FAM168A: variants seen among roughly 807,000 people sequenced by gnomAD.
FAM168A encodes family with sequence similarity 168 member A, also known as protein FAM168A.
A neutral mutation model predicts 28.5 loss-of-function variants in FAM168A; 3 were observed. The ratio of observed to expected loss-of-function variants is 0.11; its 90% confidence interval spans 0.05 to 0.27. FAM168A has a LOEUF of 0.27. Ranked by LOEUF, FAM168A falls within the 10% of genes least tolerant of loss-of-function variation. The pLI is 1.00. For synonymous variants in FAM168A, 122 were observed against 124.2 expected, an observed-to-expected ratio of 0.98 and a Z score of 0.12; for missense variants, 222 against 311.5, an observed-to-expected ratio of 0.71 and a Z score of 2.16.
chr11:73,531,531 A>G (rs1943512704), intron 1 of FAM168A, among the ~76,000 whole-genome samples: 1 of 152,188 alleles, frequency 6.6e-6, no homozygotes. Flanking sequence ...TTCAGAGAGC[A>G]CTTGCACATG....
intron 1 of FAM168A, among the ~76,000 whole-genome samples, chr11:73,578,020 T>C (rs947042918): frequency 1.3e-5 from 2 of 152,194 alleles, no homozygotes; most frequent in African/African-American, 4.8e-5. Flanking sequence ...AACTCCTAAA[T>C]GTACTCTAGA....
intron 1 of FAM168A, among the ~76,000 whole-genome samples, chr11:73,523,688 A>C (rs1404681443): frequency 6.6e-6 from 1 of 152,002 alleles, no homozygotes; most frequent in Non-Finnish European, 1.5e-5. Flanking sequence ...GACCCAAGCC[A>C]TCTTCCCACC....
chr11:73,477,543 C>T (rs1378053014), intron 1 of FAM168A, among the ~76,000 whole-genome samples: 1 of 151,858 alleles, frequency 6.6e-6, no homozygotes, highest in African/African-American at 2.4e-5. Flanking sequence ...TAACCGGACA[C>T]AATATAGTAA....
At chr11:73,473,862 G>A (rs1055831444) in intron 1 of FAM168A, among the ~76,000 whole-genome samples, 1 of 150,596 alleles carries the variant, frequency 6.6e-6, no homozygotes, top group African/African-American at 2.4e-5. Context: ...TGCCCAGGCT[G>A]GAGTGCAGTG....
At chr11:73,439,952 C>T (rs1443771207) in intron 2 of FAM168A, among the ~76,000 whole-genome samples, 1 of 128,058 alleles carries the variant, frequency 7.8e-6, no homozygotes, top group Non-Finnish European at 1.5e-5. Flanking sequence ...ATGGTGTGAT[C>T]TCTGCTCACT....
intron 1 of FAM168A, among the ~76,000 whole-genome samples, chr11:73,509,865 C>A (rs1478985708): frequency 6.6e-6 from 1 of 152,126 alleles, no homozygotes; most frequent in East Asian, 1.9e-4. Context: ...ATCCTTCAGG[C>A]CTAGTTCAAA....
Position 73,545,027 on chromosome 11 carries a change from A to ATAAAATATATATATATAATATATTTTAT in FAM168A, c.-19+52895_-19+52896insATAAAATATATTATATATATATATTTTA, listed in dbSNP as rs57233496. 6.5e-5 allele frequency among the ~76,000 whole-genome samples: 5 copies of ATAAAATATATATATATAATATATTTTAT among 77,468 alleles called. 1 individual carries two copies. Among genetic ancestry groups the ATAAAATATATATATATAATATATTTTAT allele is most frequent in the African/African-American group, 2.4e-4 (2 of 8,450 alleles). The allele number at this position is 77,468 out of a possible 152,430, so 50.8% of individuals were successfully genotyped here. ...AATATACTATATATATAGTATATATAATATATATATATTTTTTGGAGACAG... is the reference window on the plus strand; with the variant it reads ...AATATACTATATATATAGTATATATATAAAATATATATATATAATATATTTTATATATATATATATTTTTTGGAGACAG... On this transcript the variant is annotated intron_variant, in intron 1 of 7. Transcript: ENST00000356467.
chr11:73,448,032 G>A (rs2134542424), intron 2 of FAM168A, among the ~76,000 whole-genome samples: 1 of 152,066 alleles, frequency 6.6e-6, no homozygotes, highest in East Asian at 1.9e-4. Context: ...TTACTTATGT[G>A]TCAAGTTACT....
At chr11:73,458,430 G>A (rs1483153063) in intron 2 of FAM168A, among the ~76,000 whole-genome samples, 1 of 152,148 alleles carries the variant, frequency 6.6e-6, no homozygotes, top group Non-Finnish European at 1.5e-5. Context: ...TTCTTGCCCT[G>A]ACAAGGTTTA....
intron 1 of FAM168A, among the ~76,000 whole-genome samples, chr11:73,572,898 AAT>A (rs1944122632): frequency 6.6e-6 from 1 of 152,220 alleles, no homozygotes; most frequent in African/African-American, 2.4e-5. Context: ...ATAAATAATT[AAT>A]TAAACACACT....
In FAM168A at chr11:73,481,613, A is replaced by G. The variant is rs751840658; in HGVS notation, c.-18-13121T>C. On this transcript the variant is annotated intron_variant, in intron 1 of 7. Transcript: ENST00000356467. ...TTACAAGAGGTTACATTTGCAATGC[A>G]AATATATAAGCTAAATTTTTATCTC... is the stretch of plus-strand genomic sequence containing the variant. Among the ~76,000 whole-genome samples the G allele has an allele frequency of 3.9e-4, 60 of 152,310 alleles. No individual in the cohort carries two copies. In the Middle Eastern group the frequency reaches 0.017, roughly 43 times the overall value.
chr11:73,586,874 C>A (rs750399673), intron 1 of FAM168A, among the ~76,000 whole-genome samples: 35 of 152,106 alleles, frequency 2.3e-4, no homozygotes, highest in Non-Finnish European at 4.4e-4. Context: ...AAAGTAAGCA[C>A]CAAGCCCAAT....
At chr11:73,536,439 G>C (rs544155845) in intron 1 of FAM168A, among the ~76,000 whole-genome samples, 23 of 152,284 alleles carry the variant, frequency 1.5e-4, no homozygotes, top group Admixed American at 3.3e-4. Flanking sequence ...TGTAATCCCA[G>C]CACTGTGGGA....
At chr11:73,435,731 T>A (rs1867075683) in intron 2 of FAM168A, among the ~76,000 whole-genome samples, 1 of 152,184 alleles carries the variant, frequency 6.6e-6, no homozygotes, top group Non-Finnish European at 1.5e-5. Flanking sequence ...GAGGATTGCT[T>A]GAGCTCAGGA....
chr11:73,579,418 G>A (rs981296006), intron 1 of FAM168A, among the ~76,000 whole-genome samples: 1 of 152,060 alleles, frequency 6.6e-6, no homozygotes, highest in African/African-American at 2.4e-5. Flanking sequence ...CCTAATAGAT[G>A]GAGAAAATAA....
chr11:73,575,594 G>A (rs1944162356), intron 1 of FAM168A, among the ~76,000 whole-genome samples: 1 of 152,206 alleles, frequency 6.6e-6, no homozygotes, highest in African/African-American at 2.4e-5. Flanking sequence ...AAATGGCCGG[G>A]TGTGGTGGCT....
chr11:73,401,844 C>G lies in FAM168A; in HGVS notation c.*4919G>C, dbSNP rs750640131. Reference sequence around the variant, plus strand: ...CTGAGGGACTGGGACCCAAGTCTGGCTTAGGCAGGGCTGGCCATGGAATGT... The same window carrying G: ...CTGAGGGACTGGGACCCAAGTCTGGGTTAGGCAGGGCTGGCCATGGAATGT... On this transcript the variant is annotated 3_prime_UTR_variant, in exon 8 of 8. Coordinates refer to ENST00000356467, the MANE Select transcript of FAM168A (RefSeq NM_015159.3). 1 of 152,138 alleles carries G rather than the reference C, an allele frequency of 6.6e-6. No individual in the cohort carries two copies. Among genetic ancestry groups the G allele is most frequent in the Non-Finnish European group, 1.5e-5 (1 of 68,064 alleles). 9.4% of individuals were successfully genotyped at this position (152,138 alleles called of 1,614,324 possible).
At chr11:73,594,861 C>G (rs1297845007) in intron 1 of FAM168A, among the ~76,000 whole-genome samples, 2 of 152,170 alleles carry the variant, frequency 1.3e-5, no homozygotes, top group Middle Eastern at 3.2e-3. Context: ...TGACTGAAAT[C>G]ACTCAGCTTT....
intron 1 of FAM168A, among the ~76,000 whole-genome samples, chr11:73,517,134 C>T (rs10898923): frequency 0.14 from 21,208 of 152,176 alleles, 1,871 homozygotes; most frequent in South Asian, 0.3. Flanking sequence ...ACTATAACTT[C>T]GAACTCCTGG....
Sources: gnomAD v4.1 joint callset for allele counts (sites outside exome capture counted in the v4.1 genomes callset) on GRCh38, gnomAD v4.1.1 for gene constraint, MANE v1.5 for transcripts, NCBI Gene and HGNC (gene_info 2026-07-23, HGNC 2026-07-21) for gene names.